CAMTA1: variants seen among roughly 807,000 people sequenced by gnomAD.
CAMTA1 encodes calmodulin-binding transcription activator 1.
A neutral mutation model predicts 170.9 loss-of-function variants in CAMTA1; 27 were observed. That is an observed-to-expected ratio of 0.16 (90% CI 0.12 to 0.22). The LOEUF is 0.22. Ranked by LOEUF, CAMTA1 falls within the 10% of genes least tolerant of loss-of-function variation. CAMTA1 has a pLI of 1.00. For missense variants in CAMTA1, 1,619 were observed against 2,217.2 expected (o/e 0.73, Z 5.42); for synonymous variants, 833 against 891.5 (o/e 0.93, Z 1.17).
chr1:7,459,955 A>T (rs2093044203), intron 5 of CAMTA1, among the ~76,000 whole-genome samples: 1 of 152,252 alleles, frequency 6.6e-6, no homozygotes, highest in Non-Finnish European at 1.5e-5. Context: ...TTCTCAGAGC[A>T]ATCCTGAGTC....
intron 5 of CAMTA1, among the ~76,000 whole-genome samples, chr1:7,367,258 A>C (rs76696113): frequency 6.8e-4 from 103 of 152,362 alleles, no homozygotes; most frequent in Admixed American, 1.7e-3. Flanking sequence ...TTCAGAGCGA[A>C]AGGTCCAATT....
At chr1:7,352,204 G>A (rs987487254) in intron 5 of CAMTA1, among the ~76,000 whole-genome samples, 1 of 148,762 alleles carries the variant, frequency 6.7e-6, no homozygotes, top group South Asian at 2.1e-4. Context: ...GGAAAAGTGA[G>A]GAGGGGAGAG....
chr1:6,909,144 C>T (rs1267114249), intron 3 of CAMTA1, among the ~76,000 whole-genome samples: 3 of 152,294 alleles, frequency 2.0e-5, no homozygotes, highest in African/African-American at 7.2e-5. Context: ...TTCCTGGCCT[C>T]TAAAAGAAAA....
chr1:7,458,945 C>T (rs1029351608), intron 5 of CAMTA1, among the ~76,000 whole-genome samples: 1 of 152,248 alleles, frequency 6.6e-6, no homozygotes, highest in Non-Finnish European at 1.5e-5. Context: ...TTCTGAGGCG[C>T]CATGCTTTTG....
chr1:6,962,593 CT>C (rs1690658695), intron 3 of CAMTA1, among the ~76,000 whole-genome samples: 1 of 144,330 alleles, frequency 6.9e-6, no homozygotes, highest in Non-Finnish European at 1.5e-5. Flanking sequence ...CCCACCCCTC[CT>C]TTTTGGCTCC....
Position 6,820,171 on chromosome 1 carries a change from G to A in CAMTA1, c.46-10G>A. On this transcript the variant is annotated splice_polypyrimidine_tract_variant and intron_variant, in intron 1 of 22. Coordinates refer to ENST00000303635, the MANE Select transcript of CAMTA1 (RefSeq NM_015215.4). The stretch of plus-strand genomic sequence containing the variant: ...AGATTAGTTTTACATTTTATTTTCT[G>A]TTTCCTTAGAGCGTTTCCCAAAGTG... 1.4e-6 allele frequency: 2 copies of A among 1,438,780 alleles called. No individual in the cohort carries two copies. The highest frequency in any genetic ancestry group is 2.0e-6 in the Non-Finnish European group (2 of 1,020,164). 89.1% of individuals were successfully genotyped at this position (1,438,780 alleles called of 1,614,324 possible).
chr1:6,868,098 G>A (rs1667208189), intron 3 of CAMTA1, among the ~76,000 whole-genome samples: 1 of 148,316 alleles, frequency 6.7e-6, no homozygotes, highest in Non-Finnish European at 1.5e-5. Context: ...AGCCACAGAA[G>A]CGTGCCTGGC....
chr1:6,925,256 C>T (rs536475585), intron 3 of CAMTA1, among the ~76,000 whole-genome samples: 56 of 152,352 alleles, frequency 3.7e-4, no homozygotes, highest in African/African-American at 1.3e-3. Context: ...GGCCTCTTTC[C>T]CACATTTCTT....
At chr1:7,559,526 C>G (rs1013791845) in intron 6 of CAMTA1, among the ~76,000 whole-genome samples, 8 of 152,220 alleles carry the variant, frequency 5.3e-5, no homozygotes, top group African/African-American at 1.9e-4. Flanking sequence ...AGCGGGGAGC[C>G]TGCCTGCCGA....
chr1:7,416,743 G>A (rs1228987121), intron 5 of CAMTA1, among the ~76,000 whole-genome samples: 2 of 152,176 alleles, frequency 1.3e-5, no homozygotes, highest in African/African-American at 4.8e-5. Flanking sequence ...ATTGTCTGAA[G>A]ACTTCTTCTC....
intron 7 of CAMTA1, among the ~76,000 whole-genome samples, chr1:7,650,159 C>T (rs1576598746): frequency 6.6e-6 from 1 of 152,200 alleles, no homozygotes; most frequent in African/African-American, 2.4e-5. Flanking sequence ...GGGCAGATAA[C>T]CCTGAGGCTC....
At chr1:7,309,890 A>G (rs1298827143) in intron 5 of CAMTA1, among the ~76,000 whole-genome samples, 1 of 151,884 alleles carries the variant, frequency 6.6e-6, no homozygotes, top group Non-Finnish European at 1.5e-5. Flanking sequence ...ATATATATAT[A>G]AAACCCCAGT....
At chr1:6,788,326 G>C (rs1339472687) in intron 1 of CAMTA1, among the ~76,000 whole-genome samples, 1 of 152,158 alleles carries the variant, frequency 6.6e-6, no homozygotes, top group Non-Finnish European at 1.5e-5. Flanking sequence ...CTTTAAAACT[G>C]TTCTAGCTCA....
intron 3 of CAMTA1, among the ~76,000 whole-genome samples, chr1:7,012,919 C>T (rs927818998): frequency 3.9e-5 from 6 of 152,182 alleles, no homozygotes; most frequent in Middle Eastern, 3.2e-3. Flanking sequence ...CCACTTGTCT[C>T]GGGTATAGAA....
At chr1:7,274,016 CA>C (rs1355047558) in intron 5 of CAMTA1, among the ~76,000 whole-genome samples, 2 of 151,822 alleles carry the variant, frequency 1.3e-5, no homozygotes, top group African/African-American at 4.8e-5. Flanking sequence ...ATGAAAGACT[CA>C]AAAATATTCA....
chr1:7,284,174 CTTCTTATTATTATTATTA>C (rs1269115011), intron 5 of CAMTA1, among the ~76,000 whole-genome samples: 38 of 108,068 alleles, frequency 3.5e-4, no homozygotes, highest in African/African-American at 9.9e-4. Flanking sequence ...TCTTCTTCTT[CTTCTTATTATTATTATTA>C]TTATTATTAT....
At chr1:6,964,641 C>T (rs572610692) in intron 3 of CAMTA1, among the ~76,000 whole-genome samples, 1 of 152,340 alleles carries the variant, frequency 6.6e-6, no homozygotes, top group East Asian at 1.9e-4. Flanking sequence ...GCTAATGTCA[C>T]AAGTAGAAAC....
chr1:7,331,614 T>C (rs554714121), intron 5 of CAMTA1, among the ~76,000 whole-genome samples: 2 of 152,264 alleles, frequency 1.3e-5, no homozygotes, highest in South Asian at 4.1e-4. Flanking sequence ...ATGCTAGCAT[T>C]ATTATGAGCA....
intron 3 of CAMTA1, among the ~76,000 whole-genome samples, chr1:6,847,442 A>G (rs139559171): frequency 2.6e-5 from 4 of 152,138 alleles, no homozygotes; most frequent in Admixed American, 6.5e-5. Context: ...ATAATTCGCT[A>G]TGGCTAGTTT....
Sources: allele counts gnomAD v4.1 joint callset (sites outside exome capture counted in the v4.1 genomes callset), GRCh38; gene constraint gnomAD v4.1.1; transcripts MANE v1.5; gene names NCBI Gene and HGNC (gene_info 2026-07-23, HGNC 2026-07-21).